KANK4: variants seen among roughly 807,000 people sequenced by gnomAD.
KANK4 encodes KN motif and ankyrin repeat domains 4.
KANK4 carries 50 observed loss-of-function variants against 80.8 expected under a neutral mutation model. The observed-to-expected ratio is 0.62, with a 90% CI of 0.49 to 0.78. KANK4 has a LOEUF of 0.78. KANK4 is among the 30% of genes least tolerant of loss of function. The pLI, the probability that KANK4 is intolerant of heterozygous loss-of-function variation, is 0.00. For synonymous variants in KANK4, 465 were observed against 506.9 expected (o/e 0.92, Z 1.11); for missense variants, 1,196 against 1,240.1 (o/e 0.96, Z 0.53).
chr1:62,270,450 C>A (rs528545403), intron 4 of KANK4, among the ~76,000 whole-genome samples: 10 of 151,428 alleles, frequency 6.6e-5, no homozygotes, highest in Non-Finnish European at 1.0e-4. Flanking sequence ...GGCACAATCT[C>A]GGCGGCTCAC....
intron 1 of KANK4, among the ~76,000 whole-genome samples, chr1:62,314,848 G>A (rs548607143): frequency 3.0e-4 from 46 of 152,292 alleles, no homozygotes; most frequent in South Asian, 2.1e-4. Context: ...GGGCCTGGGC[G>A]AGACAGTGAA....
intron 1 of KANK4, among the ~76,000 whole-genome samples, chr1:62,287,595 G>A (rs1251687399): frequency 6.6e-6 from 1 of 152,152 alleles, no homozygotes; most frequent in African/African-American, 2.4e-5. Context: ...CCAGACCAGG[G>A]ATGAATCTCC....
In KANK4 at chr1:62,245,051, A is replaced by ATGCC. The variant is rs1021708503; in HGVS notation, c.2883+2417_2883+2420dup. ...AGCTAACCAGGGACTTCCAAAGCTC[A>ATGCC]TGCCTGCCTGCCTGTCCCACGGGCC... On this transcript the variant is annotated intron_variant, in intron 9 of 9. Coordinates refer to ENST00000371153, the MANE Select transcript of KANK4 (RefSeq NM_181712.5). 5.9e-4 allele frequency among the ~76,000 whole-genome samples: 90 copies of ATGCC among 152,312 alleles called. 1 individual carries two copies. Among genetic ancestry groups the ATGCC allele is most frequent in the African/African-American group, 2.0e-3 (82 of 41,580 alleles).
At chr1:62,304,571 TCA>T (rs1159600298) in intron 1 of KANK4, among the ~76,000 whole-genome samples, 6 of 151,678 alleles carry the variant, frequency 4.0e-5, no homozygotes, top group Non-Finnish European at 7.4e-5. Flanking sequence ...TCCACTGACC[TCA>T]GGTGACCTCC....
At chr1:62,287,185 C>T (rs1672588636) in intron 1 of KANK4, among the ~76,000 whole-genome samples, 1 of 152,190 alleles carries the variant, frequency 6.6e-6, no homozygotes, top group Admixed American at 6.5e-5. Context: ...GAGGTGCAGG[C>T]ACCAGACTCT....
At chr1:62,275,814 T>A (rs1055072529) in intron 2 of KANK4, among the ~76,000 whole-genome samples, 3 of 115,072 alleles carry the variant, frequency 2.6e-5, no homozygotes, top group Admixed American at 1.3e-4. Context: ...AGTAACTCAA[T>A]GAAGAAAGAA....
At chr1:62,292,902 G>A (rs2149161470) in intron 1 of KANK4, among the ~76,000 whole-genome samples, 1 of 152,258 alleles carries the variant, frequency 6.6e-6, no homozygotes, top group South Asian at 2.1e-4. Context: ...GTCTAGTCCT[G>A]CCATCCACCT....
At chr1:62,248,071 G>A (rs1671515436) in intron 8 of KANK4, among the ~76,000 whole-genome samples, 1 of 152,106 alleles carries the variant, frequency 6.6e-6, no homozygotes, top group Non-Finnish European at 1.5e-5. Flanking sequence ...AAGGTTGAAT[G>A]CTTGAGCATC....
At chr1:62,247,173 G>C (rs181047511) in intron 9 of KANK4, among the ~76,000 whole-genome samples, 1 of 152,174 alleles carries the variant, frequency 6.6e-6, no homozygotes, top group Non-Finnish European at 1.5e-5. Context: ...TTACAGACGT[G>C]AGCCACTGTG....
rs1432794744 is a variant in KANK4 at position 62,273,743 on chromosome 1, A to G, written c.1361T>C (p.Leu454Pro). The G allele has an allele frequency of 6.2e-7, 1 of 1,614,066 alleles. No homozygotes were observed. Among genetic ancestry groups the G allele is most frequent in the Non-Finnish European group, 8.5e-7 (1 of 1,179,972 alleles). Residue 454 changes from leucine (L) to proline (P), a missense_variant, in exon 3 of 10, where the codon CTC becomes CCC. Coordinates refer to ENST00000371153, the MANE Select transcript of KANK4 (RefSeq NM_181712.5). Reference protein sequence around the residue: ...SWGHRGEENGLLWGPDGHKQG... With the variant: ...SWGHRGEENGPLWGPDGHKQG... ...TTTATGACCATCTGGCCCCCATAGG[A>G]GGCCATTCTCCTCTCCTCGGTGCCC... is the stretch of plus-strand genomic sequence containing the variant.
intron 9 of KANK4, among the ~76,000 whole-genome samples, chr1:62,247,003 G>A (rs967307432): frequency 1.3e-5 from 2 of 151,528 alleles, no homozygotes; most frequent in African/African-American, 2.4e-5. Flanking sequence ...TCAGGTGATC[G>A]ACCTGCCTCA....
At chr1:62,316,145 A>G (rs970097784) in intron 1 of KANK4, among the ~76,000 whole-genome samples, 47 of 152,234 alleles carry the variant, frequency 3.1e-4, no homozygotes, top group Non-Finnish European at 5.3e-4. Flanking sequence ...ATGGTCCACC[A>G]AGGGCGTCCC....
chr1:62,293,485 A>G (rs1313284028), intron 1 of KANK4, among the ~76,000 whole-genome samples: 1 of 152,226 alleles, frequency 6.6e-6, no homozygotes, highest in Admixed American at 6.5e-5. Flanking sequence ...ATGCATCTCA[A>G]ATATGTGTAT....
chr1:62,276,463 A>G (rs1330613124), intron 2 of KANK4, among the ~76,000 whole-genome samples: 1 of 152,130 alleles, frequency 6.6e-6, no homozygotes, highest in African/African-American at 2.4e-5. Context: ...AGTGGGAATA[A>G]TAACAGGTAA....
chr1:62,300,235 C>T (rs1571041523), intron 1 of KANK4, among the ~76,000 whole-genome samples: 2 of 152,132 alleles, frequency 1.3e-5, no homozygotes. Context: ...AGTTCAATAG[C>T]CCAGTAACTT....
intron 1 of KANK4, among the ~76,000 whole-genome samples, 177 bp downstream of exon 1, chr1:62,318,929 G>T (rs149019584): frequency 0.019 from 2,897 of 152,312 alleles, 94 homozygotes; most frequent in African/African-American, 0.066. Flanking sequence ...GGCCCAAGCT[G>T]CCGCAGCCAC....
chr1:62,278,352 C>T (rs182793989), intron 2 of KANK4, among the ~76,000 whole-genome samples: 396 of 12,158 alleles, frequency 0.033, 56 homozygotes, highest in African/African-American at 0.18. Flanking sequence ...TTCCTTCCTT[C>T]CTTCCTTCCT....
chr1:62,270,599 A>G (rs992368308), intron 4 of KANK4, among the ~76,000 whole-genome samples: 1 of 151,902 alleles, frequency 6.6e-6, no homozygotes, highest in Non-Finnish European at 1.5e-5. Flanking sequence ...GGCCAGGCTG[A>G]TCTTGAAATC....
At chr1:62,288,273 C>T (rs949974867) in intron 1 of KANK4, among the ~76,000 whole-genome samples, 3 of 152,184 alleles carry the variant, frequency 2.0e-5, no homozygotes, top group Non-Finnish European at 2.9e-5. Flanking sequence ...TTCTATGGCC[C>T]AGGTCCCTTC....
Sources: allele counts gnomAD v4.1 joint callset (sites outside exome capture counted in the v4.1 genomes callset), GRCh38; gene constraint gnomAD v4.1.1; transcripts MANE v1.5; gene names NCBI Gene and HGNC (gene_info 2026-07-23, HGNC 2026-07-21).